Variants in ZNF248 observed in about 807,000 individuals in gnomAD.
ZNF248 encodes the protein zinc finger protein 248.
In ZNF248, 20 loss-of-function variants were observed where a neutral mutation model predicts 44.3. That is an observed-to-expected ratio of 0.45 (90% CI 0.32 to 0.66). The LOEUF (loss-of-function observed/expected upper bound fraction) is 0.66. ZNF248 is among the 30% of genes least tolerant of loss of function. ZNF248 has a pLI of 0.04. For missense variants in ZNF248, 654 were observed against 677.0 expected (o/e 0.97, Z 0.38); for synonymous variants, 224 against 229.0 (o/e 0.98, Z 0.20).
intron 6 of ZNF248, among the ~76,000 whole-genome samples, chr10:37,812,744 G>A (rs1161508783): frequency 6.6e-6 from 1 of 151,988 alleles, no homozygotes; most frequent in Non-Finnish European, 1.5e-5. Context: ...TAGATGAGGA[G>A]GGCATAAGGA....
chr10:37,835,975 T>A (rs1451096199), intron 5 of ZNF248, among the ~76,000 whole-genome samples: 1 of 152,172 alleles, frequency 6.6e-6, no homozygotes, highest in Admixed American at 6.5e-5. Context: ...CTGTGATAAC[T>A]CCCTTATATG....
chr10:37,845,548 A>G (rs1564644011), intron 3 of ZNF248, among the ~76,000 whole-genome samples: 1 of 152,134 alleles, frequency 6.6e-6, no homozygotes, highest in Non-Finnish European at 1.5e-5. Flanking sequence ...AAAGGAAAAA[A>G]CAAAAACTCA....
At chr10:37,771,287 A>G in the ZNF248 span, among the ~76,000 whole-genome samples, 1 of 152,180 alleles carries the variant, frequency 6.6e-6, no homozygotes, top group Non-Finnish European at 1.5e-5. Flanking sequence ...TACCCAAAGG[A>G]CTATAAATCA....
the ZNF248 span, among the ~76,000 whole-genome samples, chr10:37,768,778 G>C: frequency 6.6e-6 from 1 of 152,104 alleles, no homozygotes; most frequent in Admixed American, 6.6e-5. Context: ...AATCAGAGCA[G>C]AACTGAAGGA....
At chr10:37,762,489 G>T in the ZNF248 span, among the ~76,000 whole-genome samples, 1 of 152,172 alleles carries the variant, frequency 6.6e-6, no homozygotes, top group African/African-American at 2.4e-5. Flanking sequence ...CACTGTATCA[G>T]GGGTAAGCAA....
At chr10:37,819,156 T>A in intron 6 of ZNF248, 1 of 785,196 alleles carries the variant, frequency 1.3e-6, no homozygotes. Context: ...TCATAGTGTA[T>A]GATGGGAGGT....
intron 6 of ZNF248, among the ~76,000 whole-genome samples, chr10:37,814,257 TAACA>T (rs1411453937): frequency 6.6e-6 from 1 of 151,064 alleles, no homozygotes; most frequent in East Asian, 1.9e-4. Flanking sequence ...TTAACCTCAA[TAACA>T]TACAAAAAAC....
intron 1 of ZNF248, chr10:37,856,925 C>G (rs2061393619): frequency 1.2e-5 from 2 of 164,904 alleles, no homozygotes; most frequent in Non-Finnish European, 2.5e-5. Context: ...TCCTCAAACT[C>G]AATTTTGTTT....
At chr10:37,823,790 T>C (rs2053895293), downstream of ZNF248, among the ~76,000 whole-genome samples, 1 of 152,048 alleles carries the variant, frequency 6.6e-6, no homozygotes, top group South Asian at 2.1e-4. Flanking sequence ...GCCAGGCTGG[T>C]CTTGAACTCC....
At chr10:37,798,889 A>G (rs1289938090) in intron 6 of ZNF248, among the ~76,000 whole-genome samples, 1 of 152,162 alleles carries the variant, frequency 6.6e-6, no homozygotes, top group Non-Finnish European at 1.5e-5. Flanking sequence ...ATGTAAGTAC[A>G]TTGCCCAACC....
In ZNF248 at chr10:37,830,151, A is replaced by G; in HGVS notation, c.*1464T>C. The G allele has an allele frequency of 1.0e-6, 1 of 985,416 alleles. No homozygotes were observed. Among genetic ancestry groups the G allele is most frequent in the Non-Finnish European group, 1.2e-6 (1 of 829,926 alleles). 61.0% of individuals were successfully genotyped at this position (985,416 alleles called of 1,614,324 possible). On this transcript the variant is annotated 3_prime_UTR_variant, in exon 6 of 6. Transcript: ENST00000395867. The stretch of plus-strand genomic sequence containing the variant: ...ATCAAGGATATCAAAAGGGCCTTTC[A>G]TTACATACCGCCACTTTTTGAGGAG...
chr10:37,793,507 T>C (rs2048800824), intron 6 of ZNF248, among the ~76,000 whole-genome samples: 2 of 152,154 alleles, frequency 1.3e-5, no homozygotes, highest in Non-Finnish European at 2.9e-5. Flanking sequence ...AAATATAACA[T>C]TTTACATTTG....
At position 37,830,057 on chromosome 10, in the gene ZNF248, A is replaced by G. The variant is rs1008522191; in HGVS notation, c.*1558T>C. 67 of 985,318 alleles carry G rather than the reference A, an allele frequency of 6.8e-5. No individual in the cohort carries two copies. The highest frequency in any genetic ancestry group is 1.3e-5 in the Non-Finnish European group (11 of 829,954). 61.0% of individuals were successfully genotyped at this position (985,318 alleles called of 1,614,324 possible). On this transcript the variant is annotated 3_prime_UTR_variant, in exon 6 of 6. Coordinates refer to ENST00000395867, the MANE Select transcript of ZNF248 (RefSeq NM_021045.3). The stretch of plus-strand genomic sequence containing the variant: ...AAACAACAGGACAAGGGAGGCAGAG[A>G]TACTCTAAAATACTAATACGCAGAA...
intron 6 of ZNF248, among the ~76,000 whole-genome samples, chr10:37,777,533 CTCTT>C (rs1292813035): frequency 7.1e-6 from 1 of 140,868 alleles, no homozygotes; most frequent in Non-Finnish European, 1.6e-5. Context: ...TGGTCTTCGA[CTCTT>C]TTTTTTTTTT....
the ZNF248 span, among the ~76,000 whole-genome samples, chr10:37,766,002 A>G: frequency 0.17 from 25,837 of 152,288 alleles, 2,722 homozygotes; most frequent in Admixed American, 0.25. Flanking sequence ...ACGGAGTCTC[A>G]CTGATTGCTA....
intron 6 of ZNF248, chr10:37,820,828 G>C (rs1466259838): frequency 8.4e-7 from 1 of 1,186,434 alleles, no homozygotes; most frequent in African/African-American, 1.5e-5. Context: ...TCCAACTCTT[G>C]AATATTTCCC....
At chr10:37,821,200 T>C (rs1400090844) in intron 6 of ZNF248, among the ~76,000 whole-genome samples, 1 of 148,240 alleles carries the variant, frequency 6.7e-6, no homozygotes, top group Non-Finnish European at 1.5e-5. Context: ...TAGAAATAAC[T>C]CCTAAGCAAC....
intron 6 of ZNF248, among the ~76,000 whole-genome samples, chr10:37,813,127 C>T (rs1425374357): frequency 6.6e-6 from 1 of 151,640 alleles, no homozygotes; most frequent in Non-Finnish European, 1.5e-5. Flanking sequence ...GAGGAATTAA[C>T]AGATGACTTG....
intron 5 of ZNF248, among the ~76,000 whole-genome samples, chr10:37,833,738 A>T (rs899476366): frequency 6.6e-6 from 1 of 152,174 alleles, no homozygotes; most frequent in Admixed American, 6.5e-5. Flanking sequence ...TTGAGAAGAA[A>T]TAGTTTTTTT....
Sources: allele counts gnomAD v4.1 joint callset (sites outside exome capture counted in the v4.1 genomes callset), GRCh38; gene constraint gnomAD v4.1.1; transcripts MANE v1.5; gene names NCBI Gene and HGNC (gene_info 2026-07-23, HGNC 2026-07-21).